The following FAM117A variants were observed in gnomAD, a reference collection of about 807,000 sequenced individuals.
FAM117A encodes family with sequence similarity 117 member A.
A neutral mutation model predicts 44.1 loss-of-function variants in FAM117A; 21 were observed. That is an observed-to-expected ratio of 0.48 (90% CI 0.34 to 0.69). The LOEUF is 0.69. Among genes scored for constraint, FAM117A ranks in the 30% least tolerant of loss-of-function variants. The pLI, the probability that FAM117A is intolerant of heterozygous loss-of-function variation, is 0.01. For missense variants in FAM117A, 498 were observed against 589.9 expected (o/e 0.84, Z 1.61); for synonymous variants, 220 against 238.3 (o/e 0.92, Z 0.71).
At chr17:49,764,143 C>T (rs567916176), upstream of FAM117A, 57 of 905,962 alleles carry the variant, frequency 6.3e-5, no homozygotes, top group South Asian at 2.1e-3. Flanking sequence ...GCCCCCCAAC[C>T]CCCGAGGCCG....
At chr17:49,752,399 C>T (rs1489395596) in intron 1 of FAM117A, among the ~76,000 whole-genome samples, 1 of 152,176 alleles carries the variant, frequency 6.6e-6, no homozygotes, top group African/African-American at 2.4e-5. Context: ...ATGGTTACAC[C>T]AGGGGTCCCT....
intron 2 of FAM117A, among the ~76,000 whole-genome samples, chr17:49,723,909 C>T (rs781161794): frequency 2.2e-4 from 34 of 152,086 alleles, no homozygotes; most frequent in African/African-American, 7.0e-4. Context: ...ATGAGCATCA[C>T]GAGTAAGTAG....
At position 49,711,098 on chromosome 17, in the gene FAM117A, T is replaced by C; in HGVS notation, c.*157A>G. 1.4e-6 allele frequency: 1 copy of C among 695,964 alleles called. No homozygotes were observed. Among genetic ancestry groups the C allele is most frequent in the South Asian group, 2.2e-5 (1 of 46,346 alleles). The allele number at this position is 695,964 out of a possible 1,614,324, so 43.1% of individuals were successfully genotyped here. A position where few individuals can be genotyped will look rare whatever the true frequency, so the allele number is the denominator to read the frequency against. On this transcript the variant is annotated 3_prime_UTR_variant, in exon 8 of 8. Transcript: ENST00000240364. Reference sequence around the variant, plus strand: ...TCACGTTCAGAGGGGCCGGTGCCCATCAAAAAGAGGACCCAGGGCTTTGAC... The same window carrying C: ...TCACGTTCAGAGGGGCCGGTGCCCACCAAAAAGAGGACCCAGGGCTTTGAC...
At chr17:49,784,454 G>A (rs934323048) in intron 1 of FAM117A, among the ~76,000 whole-genome samples, 1 of 152,068 alleles carries the variant, frequency 6.6e-6, no homozygotes, top group African/African-American at 2.4e-5. Flanking sequence ...TTCAGAAATT[G>A]CCTACCACTT....
In FAM117A at chr17:49,732,724, C is replaced by G. The variant is rs1395452923; in HGVS notation, c.197-4G>C. The G allele has an allele frequency of 3.7e-6, 6 of 1,611,794 alleles. No homozygotes were observed. The highest frequency in any genetic ancestry group is 5.1e-6 in the Non-Finnish European group (6 of 1,179,006). On this transcript the variant is annotated splice_region_variant and splice_polypyrimidine_tract_variant and intron_variant, in intron 1 of 7. Coordinates refer to ENST00000240364, the MANE Select transcript of FAM117A (RefSeq NM_030802.4). The stretch of plus-strand genomic sequence containing the variant: ...GCCACCGAGCATGGGACGCTGGCTG[C>G]AAGAGAACACAGCCCGCACGCCTTG...
At chr17:49,760,527 CT>C (rs1459792523) in intron 1 of FAM117A, among the ~76,000 whole-genome samples, 4 of 152,074 alleles carry the variant, frequency 2.6e-5, no homozygotes, top group African/African-American at 9.7e-5. Context: ...CAGATATGGC[CT>C]GTAGACCATA....
intron 6 of FAM117A, among the ~76,000 whole-genome samples, chr17:49,717,255 T>A (rs1208742519): frequency 6.6e-6 from 1 of 152,222 alleles, no homozygotes; most frequent in Non-Finnish European, 1.5e-5. Context: ...AAAATGGGGA[T>A]GGCAGGGATT....
chr17:49,780,823 A>C (rs572322506), intron 1 of FAM117A, among the ~76,000 whole-genome samples: 1 of 152,222 alleles, frequency 6.6e-6, no homozygotes, highest in South Asian at 2.1e-4. Context: ...CATGATTCTG[A>C]AGCAAACGTT....
At chr17:49,763,858 T>A in intron 1 of FAM117A, 34 bp downstream of exon 1, 1 of 730,596 alleles carries the variant, frequency 1.4e-6, no homozygotes, top group Non-Finnish European at 1.6e-6. Context: ...CCCCAATGGC[T>A]CCTTCCACGG....
chr17:49,711,689 C>G, intron 7 of FAM117A, 134 bp from the exon 8 acceptor site: 2 of 780,486 alleles, frequency 2.6e-6, no homozygotes, highest in Admixed American at 5.9e-5. Context: ...TGGAACTTGA[C>G]CGAAAACCAA....
chr17:49,725,864 A>G (rs1397468953), intron 2 of FAM117A, among the ~76,000 whole-genome samples: 1 of 152,366 alleles, frequency 6.6e-6, no homozygotes, highest in South Asian at 2.1e-4. Context: ...TAAATAAGAA[A>G]GAGGCAGAGG....
In FAM117A at chr17:49,710,988, G is replaced by T; in HGVS notation, c.*267C>A. 1 of 374,504 alleles carries T rather than the reference G, an allele frequency of 2.7e-6. No individual in the cohort carries two copies. The highest frequency in any genetic ancestry group is 4.8e-6 in the Non-Finnish European group (1 of 207,434). The allele number at this position is 374,504 out of a possible 1,614,324, so 23.2% of individuals were successfully genotyped here. A position where few individuals can be genotyped will look rare whatever the true frequency, so the allele number is the denominator to read the frequency against. ...GGGTGGGGGACTCAAGACCTTCTGG[G>T]TGTTTTCCACCAAGTGAGGGATGTG... is the stretch of plus-strand genomic sequence containing the variant. On this transcript the variant is annotated 3_prime_UTR_variant, in exon 8 of 8. Transcript: ENST00000240364.
At chr17:49,732,906 T>G (rs1306033364) in intron 1 of FAM117A, 186 bp from the exon 2 acceptor site, 1 of 601,712 alleles carries the variant, frequency 1.7e-6, no homozygotes, top group African/African-American at 1.9e-5. Context: ...CCTGACCTAC[T>G]CAGCCAGCCT....
rs1299563501 is a variant in FAM117A at position 49,717,592 on chromosome 17, A to T, written c.831T>A (p.Ser277=). The T allele has an allele frequency of 6.2e-7, 1 of 1,614,108 alleles. No individual in the cohort carries two copies. The highest frequency in any genetic ancestry group is 1.1e-5 in the South Asian group (1 of 91,076). ...GACTGGCCAGGCCACAAGGCTGGGGAGATGCCAAGGACATGGAAGGAGAGC... is the reference window on the plus strand; with the variant it reads ...GACTGGCCAGGCCACAAGGCTGGGGTGATGCCAAGGACATGGAAGGAGAGC... ...LASSPSMSLA[S]PQPCGLASHE... The change falls in exon 6 of 8, where the codon TCT becomes TCA. Residue 277 remains serine (S), a synonymous_variant. Coordinates refer to ENST00000240364, the MANE Select transcript of FAM117A (RefSeq NM_030802.4).
At chr17:49,744,129 G>C (rs1249802001) in intron 1 of FAM117A, among the ~76,000 whole-genome samples, 1 of 152,156 alleles carries the variant, frequency 6.6e-6, no homozygotes, top group Non-Finnish European at 1.5e-5. Flanking sequence ...CTGCCAGACA[G>C]CAGCATACAG....
At chr17:49,738,689 C>T (rs2073620717) in intron 1 of FAM117A, among the ~76,000 whole-genome samples, 1 of 152,302 alleles carries the variant, frequency 6.6e-6, no homozygotes, top group Middle Eastern at 3.4e-3. Flanking sequence ...GTCTCAGAAC[C>T]CTTAGCAAGG....
intron 7 of FAM117A, among the ~76,000 whole-genome samples, chr17:49,714,188 C>T (rs1036800983): frequency 1.3e-5 from 2 of 152,098 alleles, no homozygotes; most frequent in African/African-American, 4.8e-5. Context: ...GAGGGGACAA[C>T]AGCTAAGAAG....
rs540007505 is a variant in FAM117A, at chr17:49,777,925, G to A, written c.-621+10572C>T. On this transcript the variant is annotated intron_variant, in intron 1 of 7. Coordinates refer to the FAM117A transcript ENST00000513602. ...TGCCCAAGAGTGGAGGGCACTGAAG[G>A]TGATAACATGGAGGCACTGGGATAG... Among the ~76,000 whole-genome samples the A allele has an allele frequency of 2.6e-5, 4 of 152,340 alleles. No individual in the cohort carries two copies. In the South Asian group the frequency reaches 8.3e-4, roughly 32 times the overall value.
At chr17:49,721,425 G>C (rs113537663) in intron 3 of FAM117A, among the ~76,000 whole-genome samples, 5 of 152,266 alleles carry the variant, frequency 3.3e-5, no homozygotes, top group African/African-American at 1.2e-4. Flanking sequence ...TTGCTATTGT[G>C]GGTCACTCAT....
Sources: gnomAD v4.1 joint callset for allele counts (sites outside exome capture counted in the v4.1 genomes callset) on GRCh38, gnomAD v4.1.1 for gene constraint, MANE v1.5 for transcripts, NCBI Gene and HGNC (gene_info 2026-07-23, HGNC 2026-07-21) for gene names.